GPR158: variants seen among roughly 807,000 people sequenced by gnomAD.
GPR158 encodes G protein-coupled receptor 158.
GPR158 carries 30 observed loss-of-function variants against 78.2 expected under a neutral mutation model. The ratio of observed to expected loss-of-function variants is 0.38; its 90% CI spans 0.29 to 0.52. GPR158 has a LOEUF of 0.52. Ranked by LOEUF, GPR158 falls within the 20% of genes least tolerant of loss-of-function variation. The probability of loss-of-function intolerance (pLI) is 0.83; values close to 1 mark genes in which losing one functional copy is unlikely to be tolerated. For synonymous variants in GPR158, 581 were observed against 591.1 expected, an observed-to-expected ratio of 0.98 and a Z score of 0.25; for missense variants, 1,463 against 1,523.5, an observed-to-expected ratio of 0.96 and a Z score of 0.66.
intron 2 of GPR158, among the ~76,000 whole-genome samples, chr10:25,372,710 G>C (rs1834015768): frequency 9.0e-6 from 1 of 111,400 alleles, no homozygotes; most frequent in South Asian, 3.9e-4. Context: ...GACTGTTGTG[G>C]GGTGGGGGGA....
chr10:25,597,016 T>C (rs567128223), intron 10 of GPR158, among the ~76,000 whole-genome samples: 3 of 152,342 alleles, frequency 2.0e-5, no homozygotes, highest in Non-Finnish European at 4.4e-5. Flanking sequence ...ACAGGCCATT[T>C]CAACTTTTAT....
At chr10:25,317,392 A>T (rs192128347) in intron 2 of GPR158, among the ~76,000 whole-genome samples, 1 of 151,546 alleles carries the variant, frequency 6.6e-6, no homozygotes, top group Non-Finnish European at 1.5e-5. Context: ...CATTTTCTTC[A>T]ATTCTCCTTG....
chr10:25,542,527 A>C (rs1385595332), intron 5 of GPR158, among the ~76,000 whole-genome samples: 1 of 152,072 alleles, frequency 6.6e-6, no homozygotes, highest in Non-Finnish European at 1.5e-5. Context: ...TTCTGTTAAA[A>C]ATGTTCTTCT....
intron 1 of GPR158, among the ~76,000 whole-genome samples, chr10:25,184,492 G>A (rs1181950337): frequency 6.6e-6 from 1 of 152,178 alleles, no homozygotes; most frequent in Non-Finnish European, 1.5e-5. Context: ...TAATAGTTTT[G>A]TTTAAAATAG....
At chr10:25,595,809 A>T (rs1837397055) in intron 9 of GPR158, among the ~76,000 whole-genome samples, 1 of 152,246 alleles carries the variant, frequency 6.6e-6, no homozygotes, top group South Asian at 2.1e-4. Flanking sequence ...GGAATTAAAT[A>T]GTGATGATGG....
intron 2 of GPR158, among the ~76,000 whole-genome samples, chr10:25,394,363 A>G (rs1433856749): frequency 6.6e-6 from 1 of 152,242 alleles, no homozygotes; most frequent in East Asian, 1.9e-4. Flanking sequence ...TTTCTGACTG[A>G]CCACAACTAA....
At chr10:25,437,972 A>G (rs928982463) in intron 4 of GPR158, among the ~76,000 whole-genome samples, 4 of 152,348 alleles carry the variant, frequency 2.6e-5, no homozygotes, top group Admixed American at 1.3e-4. Context: ...GGAATAATCA[A>G]TGCAGCAGGG....
At chr10:25,597,713 T>C in intron 10 of GPR158, 59 bp from the exon 11 acceptor site, 1 of 1,354,442 alleles carries the variant, frequency 7.4e-7, no homozygotes, top group African/African-American at 1.4e-5. Flanking sequence ...CATGTAGTGA[T>C]CTTCTATGAC....
chr10:25,522,295 C>T (rs1836288045), intron 5 of GPR158, among the ~76,000 whole-genome samples: 1 of 152,214 alleles, frequency 6.6e-6, no homozygotes. Context: ...CGTTACCCTC[C>T]CAGTGCTTGG....
At chr10:25,245,663 C>T (rs1220437591) in intron 2 of GPR158, among the ~76,000 whole-genome samples, 1 of 152,058 alleles carries the variant, frequency 6.6e-6, no homozygotes, top group Non-Finnish European at 1.5e-5. Flanking sequence ...AAACTCCTGC[C>T]ATGGAACTTT....
intron 2 of GPR158, among the ~76,000 whole-genome samples, chr10:25,258,917 T>C (rs1293221976): frequency 6.6e-6 from 1 of 152,238 alleles, no homozygotes; most frequent in African/African-American, 2.4e-5. Flanking sequence ...ATATACCGTA[T>C]GCATATAATA....
intron 2 of GPR158, among the ~76,000 whole-genome samples, chr10:25,338,475 G>GTA (rs1491586960): frequency 7.9e-6 from 1 of 126,160 alleles, no homozygotes; most frequent in Non-Finnish European, 1.6e-5. Flanking sequence ...TATATTATAC[G>GTA]TATAATATAC....
rs1055742724 is a variant in GPR158 at position 25,176,796 on chromosome 10, C to T, written c.902+474C>T. On this transcript the variant is annotated intron_variant, in intron 1 of 10. Coordinates refer to ENST00000376351, the MANE Select transcript of GPR158 (RefSeq NM_020752.3). The surrounding 1 kb of genome is among the most constrained non-coding windows in gnomAD (Gnocchi z 6.3). ...TCTGCCACTTTGGGGTAGCCTCTGC[C>T]TGCTTCCTACGTGTGCAGTTGGGGG... Among the ~76,000 whole-genome samples the T allele has an allele frequency of 6.6e-6, 1 of 152,214 alleles. No individual in the cohort carries two copies. The highest frequency in any genetic ancestry group is 1.5e-5 in the Non-Finnish European group (1 of 68,042).
intron 2 of GPR158, among the ~76,000 whole-genome samples, chr10:25,277,288 T>A (rs986909381): frequency 6.6e-6 from 1 of 152,106 alleles, no homozygotes; most frequent in Non-Finnish European, 1.5e-5. Context: ...TAAAGAAAAC[T>A]AAAACAGTAA....
At chr10:25,375,822 G>T (rs1368095719) in intron 2 of GPR158, among the ~76,000 whole-genome samples, 2 of 151,444 alleles carry the variant, frequency 1.3e-5, no homozygotes. Flanking sequence ...TGAATAGATT[G>T]ATTTCTCTCA....
At chr10:25,578,085 A>T (rs74126242) in intron 7 of GPR158, among the ~76,000 whole-genome samples, 2 of 152,212 alleles carry the variant, frequency 1.3e-5, no homozygotes, top group Non-Finnish European at 2.9e-5. Context: ...AATCATCTAC[A>T]TCTATAATAA....
chr10:25,344,066 A>C (rs987864762), intron 2 of GPR158, among the ~76,000 whole-genome samples: 5 of 151,936 alleles, frequency 3.3e-5, no homozygotes, highest in Non-Finnish European at 7.4e-5. Flanking sequence ...TGTGCTTAGC[A>C]TTCTTCTCGG....
At chr10:25,229,644 T>C (rs1350534063) in intron 2 of GPR158, among the ~76,000 whole-genome samples, 1 of 152,236 alleles carries the variant, frequency 6.6e-6, no homozygotes, top group Non-Finnish European at 1.5e-5. Context: ...CAGATTTATC[T>C]GATTCTAGGC....
intron 2 of GPR158, among the ~76,000 whole-genome samples, chr10:25,394,289 T>A (rs1834340450): frequency 6.6e-6 from 1 of 152,206 alleles, no homozygotes; most frequent in Non-Finnish European, 1.5e-5. Context: ...GGCTCAGAGA[T>A]GTTAAGAGAA....
Sources: gnomAD v4.1 joint callset for allele counts (sites outside exome capture counted in the v4.1 genomes callset) on GRCh38, gnomAD v4.1.1 for gene constraint, Gnocchi (gnomAD v3.1) non-coding constraint, MANE v1.5 for transcripts, NCBI Gene and HGNC (gene_info 2026-07-23, HGNC 2026-07-21) for gene names.